Variants in VPS26B observed in about 807,000 individuals in gnomAD.
VPS26B encodes the protein VPS26 retromer complex component B, also known as vacuolar protein sorting-associated protein 26B.
Under a neutral mutation model 33.3 loss-of-function variants are expected in VPS26B, and 10 were observed. That is an observed-to-expected ratio of 0.30 (90% CI 0.19 to 0.51). The LOEUF is 0.51. Ranked by LOEUF, VPS26B falls within the 20% of genes least tolerant of loss-of-function variation. The probability of loss-of-function intolerance (pLI) is 0.98; values close to 1 mark genes in which losing one functional copy is unlikely to be tolerated. For missense variants in VPS26B, 317 were observed against 452.7 expected (o/e 0.70, Z 2.72); for synonymous variants, 190 against 176.9 (o/e 1.07, Z -0.59).
At position 134,234,806 on chromosome 11, in the gene VPS26B, T is replaced by C. The variant is rs565076892; in HGVS notation, c.224-91T>C. 242 of 1,492,206 alleles carry C rather than the reference T, an allele frequency of 1.6e-4. No individual in the cohort carries two copies. In the East Asian group the frequency reaches 5.2e-3, roughly 32 times the overall value. 92.4% of individuals were successfully genotyped at this position (1,492,206 alleles called of 1,614,324 possible). A position where few individuals can be genotyped will look rare whatever the true frequency, so the allele number is the denominator to read the frequency against. The stretch of plus-strand genomic sequence containing the variant: ...GCAGGGAGGTCCTTCCAGAAAGCAG[T>C]CCCTCCAGCCTACAGCCTCCAGCCC... On this transcript the variant is annotated intron_variant, in intron 1 of 5. Coordinates refer to ENST00000281187, the MANE Select transcript of VPS26B (RefSeq NM_052875.5).
Position 134,240,944 on chromosome 11 carries a change from G to A in VPS26B, c.545+789G>A, listed in dbSNP as rs1020673434. Among the ~76,000 whole-genome samples the A allele has an allele frequency of 2.0e-5, 3 of 152,064 alleles. No individual in the cohort carries two copies. Among genetic ancestry groups the A allele is most frequent in the Non-Finnish European group, 4.4e-5 (3 of 68,006 alleles). On this transcript the variant is annotated intron_variant, in intron 3 of 5. Transcript: ENST00000281187. This position sits in a 1 kb window ranked among gnomAD's most constrained non-coding sequence, Gnocchi z 4.4. ...GGCATGAGCCACCATGCCCAGCCCTGATGTATTTTTTATAAAAGTCTTAAA... is the reference window on the plus strand; with the variant it reads ...GGCATGAGCCACCATGCCCAGCCCTAATGTATTTTTTATAAAAGTCTTAAA...
In VPS26B at chr11:134,225,109, G is replaced by A. The variant is rs1176509615; in HGVS notation, c.-14G>A. On this transcript the variant is annotated 5_prime_UTR_variant, in exon 1 of 6. Coordinates refer to ENST00000281187, the MANE Select transcript of VPS26B (RefSeq NM_052875.5). ...GAGCGGTCCTTACCGAGACCCGCCC[G>A]GCCCGGCGGTGCGATGAGCTTCTTC... 1.9e-6 allele frequency: 3 copies of A among 1,589,458 alleles called. No homozygotes were observed. In the South Asian group the frequency reaches 3.4e-5, roughly 18 times the overall value.
rs543261686 is a variant in VPS26B, at chr11:134,242,076, G to C, written c.546-1043G>C. On this transcript the variant is annotated intron_variant, in intron 3 of 5. Transcript: ENST00000281187. ...TACACCTAGAGCAGCTTTTGCTTCTGTATAACATTTAGAATACAGGAATGT... is the reference window on the plus strand; with the variant it reads ...TACACCTAGAGCAGCTTTTGCTTCTCTATAACATTTAGAATACAGGAATGT... Among the ~76,000 whole-genome samples, 3 of 152,324 alleles carry C rather than the reference G, an allele frequency of 2.0e-5. No individual in the cohort carries two copies. In the East Asian group the frequency reaches 5.8e-4, roughly 29 times the overall value.
intron 2 of VPS26B, among the ~76,000 whole-genome samples, chr11:134,236,148 A>G (rs556593091): frequency 2.1e-4 from 32 of 150,850 alleles, no homozygotes; most frequent in African/African-American, 7.3e-4. Context: ...TATCTCTACG[A>G]AAAAAAAAAA....
intron 2 of VPS26B, among the ~76,000 whole-genome samples, chr11:134,237,936 G>A (rs1399145839): frequency 6.6e-6 from 1 of 152,172 alleles, no homozygotes; most frequent in Admixed American, 6.5e-5. Flanking sequence ...GGTAAGGCCT[G>A]GAGAGGGTTC....
chr11:134,231,148 G>A (rs1449941764), intron 1 of VPS26B, among the ~76,000 whole-genome samples: 1 of 152,040 alleles, frequency 6.6e-6, no homozygotes, highest in South Asian at 2.1e-4. Flanking sequence ...TAAACCAAAC[G>A]TAATTAGAAG....
chr11:134,237,581 T>TA (rs1291723766), intron 2 of VPS26B, among the ~76,000 whole-genome samples: 1 of 152,126 alleles, frequency 6.6e-6, no homozygotes, highest in African/African-American at 2.4e-5. Flanking sequence ...TCATAACTGA[T>TA]ACGTTTTTGA....
intron 1 of VPS26B, among the ~76,000 whole-genome samples, chr11:134,230,759 G>A (rs559930219): frequency 6.6e-6 from 1 of 152,214 alleles, no homozygotes; most frequent in Non-Finnish European, 1.5e-5. Context: ...CAGTTTGAAC[G>A]TTGCCTCCTG....
chr11:134,228,791 G>T (rs931211514), intron 1 of VPS26B, among the ~76,000 whole-genome samples: 20 of 152,346 alleles, frequency 1.3e-4, no homozygotes, highest in African/African-American at 4.6e-4. Context: ...GTTTGCTGAA[G>T]CTGCGGTCGT....
In VPS26B at chr11:134,225,234, T is replaced by A. The variant is rs1444718626; in HGVS notation, c.112T>A (p.Phe38Ile). 1.2e-6 allele frequency: 2 copies of A among 1,613,972 alleles called. No homozygotes were observed. The highest frequency in any genetic ancestry group is 3.3e-5 in the Admixed American group (2 of 60,010). Residue 38 changes from phenylalanine (F) to isoleucine (I), a missense_variant, in exon 1 of 6, where the codon TTC becomes ATC. Coordinates refer to ENST00000281187, the MANE Select transcript of VPS26B (RefSeq NM_052875.5). ...KTEDGKKEKY[F>I]LFYDGETVSG... Reference sequence around the variant, plus strand: ...GGAGGACGGGAAGAAGGAGAAATATTTCCTCTTCTACGACGGGGAGACGGT... The same window carrying A: ...GGAGGACGGGAAGAAGGAGAAATATATCCTCTTCTACGACGGGGAGACGGT...
chr11:134,225,333 A>T lies in VPS26B; in HGVS notation c.211A>T (p.Ile71Phe), dbSNP rs1181328153. ...LEHQGIKIEF[I>F]GQIELYYDRG... The stretch of plus-strand genomic sequence containing the variant: ...GCACCAGGGCATCAAGATCGAGTTC[A>T]TCGGGCAGATCGGTGAGTCGACCCC... Residue 71 changes from isoleucine (I) to phenylalanine (F), a missense_variant, in exon 1 of 6, where the codon ATC becomes TTC. Ile to Phe is a conservative substitution (Grantham distance 21). Transcript: ENST00000281187. 1.9e-6 allele frequency: 3 copies of T among 1,612,778 alleles called. No homozygotes were observed.
intron 1 of VPS26B, among the ~76,000 whole-genome samples, chr11:134,232,903 C>T (rs1938576031): frequency 6.6e-6 from 1 of 152,116 alleles, no homozygotes; most frequent in Admixed American, 6.5e-5. Flanking sequence ...AAGAGTAAGC[C>T]GAGGAGTCCC....
Position 134,247,529 on chromosome 11 carries a change from T to C in VPS26B, c.*1939T>C, listed in dbSNP as rs1938857444. 6.6e-6 allele frequency: 1 copy of C among 152,626 alleles called. No individual in the cohort carries two copies. The highest frequency in any genetic ancestry group is 6.5e-5 in the Admixed American group (1 of 15,276). 9.5% of individuals were successfully genotyped at this position (152,626 alleles called of 1,614,324 possible). On this transcript the variant is annotated 3_prime_UTR_variant, in exon 6 of 6. Transcript: ENST00000281187. Reference sequence around the variant, plus strand: ...AGGTCTTCTGTTTTCTCTTTCTTACTCTACCCACATTCTTGCCTTCTCTAT... The same window carrying C: ...AGGTCTTCTGTTTTCTCTTTCTTACCCTACCCACATTCTTGCCTTCTCTAT...
At position 134,240,396 on chromosome 11, in the gene VPS26B, A is replaced by G. The variant is rs1159219101; in HGVS notation, c.545+241A>G. Among the ~76,000 whole-genome samples the G allele has an allele frequency of 1.3e-5, 2 of 152,204 alleles. No individual in the cohort carries two copies. Among genetic ancestry groups the G allele is most frequent in the Non-Finnish European group, 2.9e-5 (2 of 68,036 alleles). ...ATATTCAACTAAGGTGGTGTCTTTAAGTTAAACATCCTATGATGCCTCTCA... is the reference window on the plus strand; with the variant it reads ...ATATTCAACTAAGGTGGTGTCTTTAGGTTAAACATCCTATGATGCCTCTCA... On this transcript the variant is annotated intron_variant, in intron 3 of 5. Transcript: ENST00000281187. This position sits in a 1 kb window ranked among gnomAD's most constrained non-coding sequence, Gnocchi z 4.4.
intron 4 of VPS26B, 77 bp downstream of exon 4, chr11:134,243,371 G>A: frequency 1.3e-6 from 2 of 1,507,528 alleles, no homozygotes; most frequent in Admixed American, 2.0e-5. Context: ...GGGGCTTGAG[G>A]GATTACACTG....
At chr11:134,233,629 G>A (rs1160418996) in intron 1 of VPS26B, among the ~76,000 whole-genome samples, 2 of 152,180 alleles carry the variant, frequency 1.3e-5, no homozygotes, top group East Asian at 1.9e-4. Context: ...GGAGGCTGAG[G>A]CAGAAGAATT....
At position 134,243,297 on chromosome 11, in the gene VPS26B, G is replaced by A. The variant is rs2136053724; in HGVS notation, c.721+3G>A. The A allele has an allele frequency of 3.7e-6, 6 of 1,613,890 alleles. No individual in the cohort carries two copies. Among genetic ancestry groups the A allele is most frequent in the South Asian group, 3.3e-5 (3 of 91,072 alleles). On this transcript the variant is annotated splice_donor_region_variant and intron_variant, in intron 4 of 5. Transcript: ENST00000281187. ...CATGGACGGGGCACCAGTGCGAGGT[G>A]AGACTCCAGGCCCAGGCCTCGGCTA...
Position 134,245,157 on chromosome 11 carries a change from T to A in VPS26B, c.864+77T>A. 6.4e-7 allele frequency: 1 copy of A among 1,553,710 alleles called. No individual in the cohort carries two copies. The highest frequency in any genetic ancestry group is 8.7e-7 in the Non-Finnish European group (1 of 1,154,300). On this transcript the variant is annotated intron_variant, in intron 5 of 5. Coordinates refer to ENST00000281187, the MANE Select transcript of VPS26B (RefSeq NM_052875.5). The surrounding 1 kb of genome is among the most constrained non-coding windows in gnomAD (Gnocchi z 4.7). ...CTCTCTTTCCTATGGAAGGTCAGAC[T>A]CCATTTTTGCCAAGAGGTGGGAACA...
In VPS26B at chr11:134,244,932, C is replaced by G; in HGVS notation, c.722-6C>G. On this transcript the variant is annotated splice_region_variant and splice_polypyrimidine_tract_variant and intron_variant, in intron 4 of 5. Coordinates refer to ENST00000281187, the MANE Select transcript of VPS26B (RefSeq NM_052875.5). This position sits in a 1 kb window ranked among gnomAD's most constrained non-coding sequence, Gnocchi z 4.0. ...CCCTGTGCTGACTCCTGCCCTCCCC[C>G]TACAGGAGAGTCCATCCCGATCCGG... is the stretch of plus-strand genomic sequence containing the variant. The G allele has an allele frequency of 2.5e-6, 4 of 1,612,054 alleles. No individual in the cohort carries two copies. Among genetic ancestry groups the G allele is most frequent in the Non-Finnish European group, 3.4e-6 (4 of 1,179,874 alleles).
Sources: allele counts gnomAD v4.1 joint callset (sites outside exome capture counted in the v4.1 genomes callset), GRCh38; gene constraint gnomAD v4.1.1; non-coding constraint Gnocchi (gnomAD v3.1); transcripts MANE v1.5; gene names NCBI Gene and HGNC (gene_info 2026-07-23, HGNC 2026-07-21).